Variants in VPS9D1 observed in about 807,000 individuals in gnomAD.
The protein encoded by VPS9D1 is VPS9 domain-containing protein 1.
Under a neutral mutation model 75.8 loss-of-function variants are expected in VPS9D1, and 78 were observed. The observed-to-expected ratio is 1.03, with a 90% CI of 0.86 to 1.24. The LOEUF is 1.24. Among genes scored for constraint, VPS9D1 ranks in the 50% most tolerant of loss-of-function variants. VPS9D1 has a pLI of 0.00. For missense variants in VPS9D1, 1,057 were observed against 847.7 expected (o/e 1.25, Z -3.07); for synonymous variants, 481 against 385.6 (o/e 1.25, Z -2.90).
Position 89,710,596 on chromosome 16 carries a change from G to A in VPS9D1, c.1248C>T (p.His416=), listed in dbSNP as rs1331224258. ...AGGGCCTGGCCTCACCTACGGCATTGTGGATCTCCTCCACCGCGGTCTTCA... is the reference window on the plus strand; with the variant it reads ...AGGGCCTGGCCTCACCTACGGCATTATGGATCTCCTCCACCGCGGTCTTCA... The part of the protein sequence containing the change: ...QQLKTAVEEI[H]NAVDRLLSLT... The change falls in exon 10 of 15, where the codon CAC becomes CAT. Residue 416 remains histidine (H), a synonymous_variant. Coordinates refer to ENST00000389386, the MANE Select transcript of VPS9D1 (RefSeq NM_004913.3). 9 of 1,598,402 alleles carry A rather than the reference G, an allele frequency of 5.6e-6. No homozygotes were observed. Among genetic ancestry groups the A allele is most frequent in the African/African-American group, 2.7e-5 (2 of 74,638 alleles).
In VPS9D1 at chr16:89,708,456, G is replaced by T. The variant is rs375148702; in HGVS notation, c.1773C>A (p.Cys591Ter). Residue 591 changes from cysteine (C) to a stop codon, truncating the protein, a stop_gained, in exon 14 of 15, where the codon TGC (cysteine) becomes TGA (stop). Coordinates refer to ENST00000389386, the MANE Select transcript of VPS9D1 (RefSeq NM_004913.3). LOFTEE classifies it high-confidence loss of function. ...CGTGGATGAACTCCTCCAGGGCCGC[G>T]CACTCCGACACCAGCTGAGGGAGGC... ...RSGLPQLVSE[C>*]AALEEFIHEG... 1 of 1,612,614 alleles carries T rather than the reference G, an allele frequency of 6.2e-7. No homozygotes were observed. Among genetic ancestry groups the T allele is most frequent in the Non-Finnish European group, 8.5e-7 (1 of 1,179,810 alleles).
intron 1 of VPS9D1, 88 bp downstream of exon 1, chr16:89,720,675 C>G: frequency 2.4e-6 from 3 of 1,270,870 alleles, no homozygotes; most frequent in Non-Finnish European, 2.0e-6. Flanking sequence ...GTCTCCAGCC[C>G]GAGCCGGCCC....
chr16:89,709,069 G>C, intron 12 of VPS9D1, 113 bp from the exon 13 acceptor site: 1 of 1,362,626 alleles, frequency 7.3e-7, no homozygotes, highest in Non-Finnish European at 1.0e-6. Context: ...GAAGAGCCAC[G>C]GTGACCCTGG....
intron 2 of VPS9D1, chr16:89,718,248 G>T (rs1354907681): frequency 1.1e-5 from 4 of 368,212 alleles, no homozygotes; most frequent in Non-Finnish European, 2.2e-5. Context: ...GCACCCCGAG[G>T]CCGTTTACTG....
At position 89,719,033 on chromosome 16, in the gene VPS9D1, T is replaced by A; in HGVS notation, c.169A>T (p.Thr57Ser). Residue 57 changes from threonine (T) to serine (S), a missense_variant, in exon 2 of 15, where the codon ACT becomes TCT. Physicochemically the swap from Thr to Ser is moderately conservative, Grantham distance 58. Transcript: ENST00000389386. ...CCGGCTGGCTGAGCCGTACCTTTAGTGGTTTCCACTTCTTCTAGTAACACC... is the reference window on the plus strand; with the variant it reads ...CCGGCTGGCTGAGCCGTACCTTTAGAGGTTTCCACTTCTTCTAGTAACACC... ...SQVLLEEVETTKEAGETVPPD... is the reference protein window; with the variant it reads ...SQVLLEEVETSKEAGETVPPD... 1 of 1,613,284 alleles carries A rather than the reference T, an allele frequency of 6.2e-7. No homozygotes were observed. Among genetic ancestry groups the A allele is most frequent in the East Asian group, 2.2e-5 (1 of 44,876 alleles).
At chr16:89,708,774 G>T in intron 13 of VPS9D1, 83 bp downstream of exon 13, 1 of 1,373,720 alleles carries the variant, frequency 7.3e-7, no homozygotes, top group Non-Finnish European at 9.8e-7. Context: ...CAAGGCTAAG[G>T]GGCAGGAAGA....
Position 89,716,488 on chromosome 16 carries a change from C to A in VPS9D1, c.405G>T (p.Gln135His), listed in dbSNP as rs200980425. The change falls in exon 4 of 15, where the codon CAG becomes CAT. Residue 135 changes from glutamine to histidine, a missense_variant. Coordinates refer to ENST00000389386, the MANE Select transcript of VPS9D1 (RefSeq NM_004913.3). ...FLPPEIFQKL[Q>H]GAESQSCKKE... is the part of the protein sequence containing the mutation. ...TCTTACAGCTTTGTGACTCTGCCCCCTGAAGCTTCTGGAAGATCTCGGGTG... is the reference window on the plus strand; with the variant it reads ...TCTTACAGCTTTGTGACTCTGCCCCATGAAGCTTCTGGAAGATCTCGGGTG... The A allele has an allele frequency of 5.5e-5, 88 of 1,614,000 alleles. No homozygotes were observed. Among genetic ancestry groups the A allele is most frequent in the Non-Finnish European group, 6.5e-5 (77 of 1,180,028 alleles).
At position 89,719,054 on chromosome 16, in the gene VPS9D1, A is replaced by T. The variant is rs781237181; in HGVS notation, c.148T>A (p.Leu50Ile). 6.2e-7 allele frequency: 1 copy of T among 1,613,530 alleles called. No individual in the cohort carries two copies. Among genetic ancestry groups the T allele is most frequent in the Non-Finnish European group, 8.5e-7 (1 of 1,179,862 alleles). The change falls in exon 2 of 15, where the codon TTA becomes ATA. Residue 50 changes from leucine (L) to isoleucine (I), a missense_variant. Physicochemically the swap from Leu to Ile is conservative, Grantham distance 5. Transcript: ENST00000389386. The part of the protein sequence containing the change: ...LRSIHYISQV[L>I]LEEVETTKEA... ...TTAGTGGTTTCCACTTCTTCTAGTA[A>T]CACCTGGGAGATATAGTGGATGCTC...
intron 1 of VPS9D1, 96 bp downstream of exon 1, chr16:89,720,667 C>A: frequency 1.6e-6 from 2 of 1,253,092 alleles, no homozygotes. Context: ...GCTCCCAAGT[C>A]TCCAGCCCGA....
chr16:89,708,097 G>C (rs1597898750), intron 14 of VPS9D1, 143 bp from the exon 15 acceptor site: 8 of 780,436 alleles, frequency 1.0e-5, no homozygotes, highest in Admixed American at 6.4e-5. Context: ...GGCTGGGCTA[G>C]AGGAGGCCTT....
intron 1 of VPS9D1, chr16:89,720,333 C>T: frequency 4.5e-6 from 4 of 879,552 alleles, no homozygotes; most frequent in Non-Finnish European, 5.5e-6. Context: ...AAGACGACTG[C>T]AAACAGCATC....
chr16:89,710,890 G>A lies in VPS9D1; in HGVS notation c.954C>T (p.Pro318=). The change falls in exon 10 of 15, where the codon CCC becomes CCT. Residue 318 remains proline, a synonymous_variant. Transcript: ENST00000389386. ...GCCGCAGCCGTCGGCTTCCGGGGTT[G>A]GGGGTCGGGGGGCAGCAGCCTGGGG... ...APAPGCCPPT[P]NPGSRRLRPS... 6.7e-7 allele frequency: 1 copy of A among 1,498,336 alleles called. No homozygotes were observed. The highest frequency in any genetic ancestry group is 8.9e-7 in the Non-Finnish European group (1 of 1,128,162). The allele number at this position is 1,498,336 out of a possible 1,614,324, so 92.8% of individuals were successfully genotyped here.
chr16:89,709,608 A>G (rs576923279), intron 11 of VPS9D1, among the ~76,000 whole-genome samples, 169 bp downstream of exon 11: 1 of 152,190 alleles, frequency 6.6e-6, no homozygotes, highest in Admixed American at 6.5e-5. Context: ...CTACCTGCAA[A>G]CTGGAAGCCC....
intron 2 of VPS9D1, chr16:89,717,307 G>A: frequency 2.9e-6 from 1 of 346,418 alleles, no homozygotes; most frequent in Non-Finnish European, 5.7e-6. Context: ...CCCTAAACAG[G>A]CCTTTAGTGC....
intron 1 of VPS9D1, 125 bp downstream of exon 1, chr16:89,720,638 G>A (rs2061235809): frequency 2.4e-6 from 3 of 1,229,114 alleles, no homozygotes; most frequent in South Asian, 3.0e-5. Flanking sequence ...ACCGCGGCCC[G>A]GGATCCCGGC....
At chr16:89,719,279 G>A (rs570261817) in intron 1 of VPS9D1, 177 bp from the exon 2 acceptor site, 7 of 672,430 alleles carry the variant, frequency 1.0e-5, no homozygotes, top group East Asian at 5.9e-5. Flanking sequence ...GGTTTTCTGC[G>A]CAGGGCACAG....
chr16:89,708,302 A>G, intron 14 of VPS9D1, 125 bp downstream of exon 14: 1 of 942,654 alleles, frequency 1.1e-6, no homozygotes, highest in Non-Finnish European at 1.6e-6. Flanking sequence ...GGCTGCCCGA[A>G]GGCATGGCTG....
intron 6 of VPS9D1, 26 bp from the exon 7 acceptor site, chr16:89,712,125 C>T (rs1418252413): frequency 1.3e-6 from 2 of 1,548,044 alleles, no homozygotes; most frequent in Admixed American, 2.0e-5. Context: ...AGGGGCCGAG[C>T]GTGGGATCTG....
chr16:89,720,608 G>T, intron 1 of VPS9D1, 155 bp downstream of exon 1: 1 of 1,227,542 alleles, frequency 8.1e-7, no homozygotes, highest in East Asian at 3.6e-5. Context: ...GCTGCGCCCC[G>T]CCCCCGTCCT....
Sources: allele counts gnomAD v4.1 joint callset (sites outside exome capture counted in the v4.1 genomes callset), GRCh38; gene constraint gnomAD v4.1.1; transcripts MANE v1.5; gene names NCBI Gene and HGNC (gene_info 2026-07-23, HGNC 2026-07-21).